The following PTPRT variants were observed in gnomAD, a reference collection of about 807,000 sequenced individuals.
PTPRT encodes the protein protein tyrosine phosphatase receptor type T.
A neutral mutation model predicts 176.8 loss-of-function variants in PTPRT; 56 were observed. The observed-to-expected ratio is 0.32, with a 90% confidence interval of 0.26 to 0.40. The LOEUF (loss-of-function observed/expected upper bound fraction) is 0.40. PTPRT is among the 10% of genes least tolerant of loss of function. The pLI, the probability that PTPRT is intolerant of heterozygous loss-of-function variation, is 1.00. For synonymous variants in PTPRT, 783 were observed against 739.0 expected (o/e 1.06, Z -0.96); for missense variants, 1,540 against 1,908.2 (o/e 0.81, Z 3.60).
rs566394113 is a variant in PTPRT, at chr20:42,636,961, T to C, written c.1153+40905A>G. Among the ~76,000 whole-genome samples, 6 of 152,024 alleles carry C rather than the reference T, an allele frequency of 3.9e-5. No individual in the cohort carries two copies. In the South Asian group the frequency reaches 1.2e-3, roughly 32 times the overall value. ...AACAGTGTTGATATATATGATGAAA[T>C]ATAGCACTCAAACCTTCATGGAAGA... On this transcript the variant is annotated intron_variant, in intron 7 of 30. Transcript: ENST00000373187.
chr20:42,914,485 T>C (rs1008371601), intron 1 of PTPRT, among the ~76,000 whole-genome samples: 1 of 152,166 alleles, frequency 6.6e-6, no homozygotes, highest in Non-Finnish European at 1.5e-5. Context: ...ATCCATACAA[T>C]AAAATACTAC....
In PTPRT at chr20:42,739,145, T is replaced by C. The variant is rs145298119; in HGVS notation, c.859+17317A>G. Among the ~76,000 whole-genome samples, 815 of 152,306 alleles carry C rather than the reference T, an allele frequency of 5.4e-3. 11 individuals are homozygous for C. The highest frequency in any genetic ancestry group is 0.044 in the South Asian group (213 of 4,822). Reference sequence around the variant, plus strand: ...TCAAAGAATACTCAAAGGAAAATGTTAATGCCACACATTTGTGCAGGCTCG... The same window carrying C: ...TCAAAGAATACTCAAAGGAAAATGTCAATGCCACACATTTGTGCAGGCTCG... On this transcript the variant is annotated intron_variant, in intron 6 of 30. Coordinates refer to ENST00000373187, the MANE Select transcript of PTPRT (RefSeq NM_007050.6).
chr20:42,795,759 T>G lies in PTPRT; in HGVS notation c.215-4293A>C, dbSNP rs371133447. On this transcript the variant is annotated intron_variant, in intron 2 of 30. Coordinates refer to ENST00000373187, the MANE Select transcript of PTPRT (RefSeq NM_007050.6). Reference sequence around the variant, plus strand: ...TGGGTTTCACTCCAGCTTCTGGCATTTCTTAGTTGTGTGACTTTGAGCAAG... The same window carrying G: ...TGGGTTTCACTCCAGCTTCTGGCATGTCTTAGTTGTGTGACTTTGAGCAAG... Among the ~76,000 whole-genome samples, 23 of 152,348 alleles carry G rather than the reference T, an allele frequency of 1.5e-4. No individual in the cohort carries two copies. The East Asian group carries it at 2.9e-3, about 19-fold the overall frequency.
intron 1 of PTPRT, among the ~76,000 whole-genome samples, chr20:43,035,123 C>T (rs916076479): frequency 6.6e-6 from 1 of 152,170 alleles, no homozygotes; most frequent in Non-Finnish European, 1.5e-5. Context: ...ACTCTGAAAC[C>T]TCAGGGAAGT....
At chr20:42,728,825 T>A (rs1416846586) in intron 6 of PTPRT, among the ~76,000 whole-genome samples, 1 of 152,206 alleles carries the variant, frequency 6.6e-6, no homozygotes, top group Non-Finnish European at 1.5e-5. Context: ...CGAGCACCTT[T>A]GAAGTTAGGG....
chr20:42,121,674 G>A (rs1329501598), intron 19 of PTPRT, among the ~76,000 whole-genome samples: 2 of 142,588 alleles, frequency 1.4e-5, no homozygotes, highest in Non-Finnish European at 3.0e-5. Context: ...CCATCTCAAT[G>A]GATGACTGAA....
At chr20:42,333,624 G>A (rs896235204) in intron 11 of PTPRT, among the ~76,000 whole-genome samples, 1 of 152,004 alleles carries the variant, frequency 6.6e-6, no homozygotes, top group South Asian at 2.1e-4. Flanking sequence ...GAACCACTGC[G>A]CCCAGCCAGG....
intron 1 of PTPRT, among the ~76,000 whole-genome samples, chr20:42,980,675 C>T (rs1568714867): frequency 6.6e-6 from 1 of 152,176 alleles, no homozygotes; most frequent in East Asian, 1.9e-4. Context: ...CAAATCTCAG[C>T]TCTGACCAAG....
chr20:43,070,775 T>C (rs1314559874), intron 1 of PTPRT, among the ~76,000 whole-genome samples: 2 of 151,358 alleles, frequency 1.3e-5, no homozygotes, highest in African/African-American at 2.4e-5. Context: ...AATTGAACAA[T>C]GAAAACACTT....
intron 1 of PTPRT, among the ~76,000 whole-genome samples, chr20:43,018,150 G>A (rs1568735836): frequency 6.6e-6 from 1 of 152,168 alleles, no homozygotes; most frequent in Non-Finnish European, 1.5e-5. Context: ...ACATCTAAGG[G>A]TCCAAAAGGT....
At position 42,187,417 on chromosome 20, in the gene PTPRT, G is replaced by A. The variant is rs542287686; in HGVS notation, c.2491+11823C>T. Among the ~76,000 whole-genome samples the A allele has an allele frequency of 3.8e-4, 58 of 152,230 alleles. 1 individual carries two copies. Among genetic ancestry groups the A allele is most frequent in the African/African-American group, 1.3e-3 (56 of 41,520 alleles). On this transcript the variant is annotated intron_variant, in intron 16 of 30. Coordinates refer to ENST00000373187, the MANE Select transcript of PTPRT (RefSeq NM_007050.6). Reference sequence around the variant, plus strand: ...CCGGTGCTGAGTAACTAAACATCATGGAACCCTTTTCAAAATTATGTAGGA... The same window carrying A: ...CCGGTGCTGAGTAACTAAACATCATAGAACCCTTTTCAAAATTATGTAGGA...
intron 1 of PTPRT, among the ~76,000 whole-genome samples, chr20:42,934,082 C>T (rs946490059): frequency 6.6e-6 from 1 of 152,214 alleles, no homozygotes; most frequent in African/African-American, 2.4e-5. Flanking sequence ...TTGGAATTAT[C>T]GAACAAGCAT....
At chr20:42,303,752 T>C (rs73120081) in intron 12 of PTPRT, among the ~76,000 whole-genome samples, 10,344 of 152,138 alleles carry the variant, frequency 0.068, 421 homozygotes, top group Middle Eastern at 0.092. Context: ...GATGTTACTA[T>C]CCAGAACTAC....
chr20:42,353,007 T>C (rs1309157816), intron 9 of PTPRT, among the ~76,000 whole-genome samples: 1 of 152,254 alleles, frequency 6.6e-6, no homozygotes, highest in Non-Finnish European at 1.5e-5. Flanking sequence ...ACTATTATCA[T>C]TTCAATCTGT....
chr20:42,529,075 A>G (rs2072330326), intron 7 of PTPRT, among the ~76,000 whole-genome samples: 1 of 152,206 alleles, frequency 6.6e-6, no homozygotes, highest in Non-Finnish European at 1.5e-5. Flanking sequence ...AAACCTCAAT[A>G]TGAAACAGAA....
intron 9 of PTPRT, among the ~76,000 whole-genome samples, chr20:42,378,914 AAAG>A (rs1174258386): frequency 2.6e-5 from 4 of 152,336 alleles, no homozygotes; most frequent in Admixed American, 6.5e-5. Context: ...TTTAGAGAAA[AAAG>A]AAATTCCTTG....
intron 2 of PTPRT, among the ~76,000 whole-genome samples, chr20:42,808,709 T>A (rs1382326611): frequency 6.6e-6 from 1 of 152,176 alleles, no homozygotes; most frequent in African/African-American, 2.4e-5. Context: ...ATAGTTTTCA[T>A]ACAAAGACTC....
chr20:42,548,376 A>G (rs2072711880), intron 7 of PTPRT, among the ~76,000 whole-genome samples: 1 of 152,146 alleles, frequency 6.6e-6, no homozygotes, highest in Admixed American at 6.6e-5. Context: ...ATAAAAATAT[A>G]TCATGTAATA....
intron 7 of PTPRT, among the ~76,000 whole-genome samples, chr20:42,595,551 G>T (rs761122582): frequency 3.3e-5 from 5 of 152,144 alleles, no homozygotes; most frequent in Non-Finnish European, 5.9e-5. Context: ...GCTAAGTGGT[G>T]CCAGAGAGAT....
Sources: gnomAD v4.1 joint callset for allele counts (sites outside exome capture counted in the v4.1 genomes callset) on GRCh38, gnomAD v4.1.1 for gene constraint, MANE v1.5 for transcripts, NCBI Gene and HGNC (gene_info 2026-07-23, HGNC 2026-07-21) for gene names.